Variants in SLC9B1 observed in about 807,000 individuals in gnomAD.
SLC9B1 encodes sodium/hydrogen exchanger 9B1.
A neutral mutation model predicts 51.7 loss-of-function variants in SLC9B1; 32 were observed. That is an observed-to-expected ratio of 0.62 (90% CI 0.47 to 0.83). The LOEUF is 0.83. Among genes scored for constraint, SLC9B1 ranks in the 40% least tolerant of loss-of-function variants. The probability of loss-of-function intolerance (pLI) is 0.00; values close to 1 mark genes in which losing one functional copy is unlikely to be tolerated. For synonymous variants in SLC9B1, 145 were observed against 212.7 expected, an observed-to-expected ratio of 0.68 and a Z score of 2.77; for missense variants, 406 against 613.2, an observed-to-expected ratio of 0.66 and a Z score of 3.57.
At chr4:102,980,986 G>C (rs1455392512) in intron 3 of SLC9B1, among the ~76,000 whole-genome samples, 1 of 152,002 alleles carries the variant, frequency 6.6e-6, no homozygotes, top group Admixed American at 6.6e-5. Flanking sequence ...AAAATCCTCT[G>C]GGCTCTGCCT....
intron 3 of SLC9B1, among the ~76,000 whole-genome samples, chr4:102,974,781 G>T (rs1395944021): frequency 2.6e-5 from 4 of 152,076 alleles, no homozygotes; most frequent in Non-Finnish European, 5.9e-5. Flanking sequence ...TGGAAAAAGA[G>T]GGAACACCTT....
At chr4:102,965,931 C>T (rs566539372) in intron 3 of SLC9B1, among the ~76,000 whole-genome samples, 3 of 152,328 alleles carry the variant, frequency 2.0e-5, no homozygotes, top group Admixed American at 1.3e-4. Context: ...GCAGGGCAGA[C>T]ACTAAATCTT....
chr4:102,935,799 C>T (rs1007754619), intron 6 of SLC9B1, among the ~76,000 whole-genome samples: 5 of 152,140 alleles, frequency 3.3e-5, no homozygotes, highest in African/African-American at 4.8e-5. Flanking sequence ...ATAAAACTCA[C>T]GAAGATGCTG....
chr4:103,014,391 T>A (rs1458072112), intron 1 of SLC9B1, among the ~76,000 whole-genome samples: 3 of 152,244 alleles, frequency 2.0e-5, no homozygotes, highest in African/African-American at 7.2e-5. Context: ...ACTATTTTAA[T>A]CCTTGTTTAA....
At chr4:102,898,085 G>C (rs1373415218), downstream of SLC9B1, 1 of 485,920 alleles carries the variant, frequency 2.1e-6, no homozygotes, top group African/African-American at 2.0e-5. Flanking sequence ...TTGGCATGTT[G>C]TTGGAGATTG....
rs554988398 is a variant in SLC9B1, at chr4:102,991,779, T to C, written c.-1-67A>G. 1.8e-4 allele frequency: 196 copies of C among 1,096,790 alleles called. 1 individual carries two copies. The South Asian group carries it at 2.9e-3, about 16-fold the overall frequency. The allele number at this position is 1,096,790 out of a possible 1,614,324, so 67.9% of individuals were successfully genotyped here. ...CTATAAATCCATATGAAAACAAACATGGTTAAGTGGGATTAATTTTTTAAA... is the reference window on the plus strand; with the variant it reads ...CTATAAATCCATATGAAAACAAACACGGTTAAGTGGGATTAATTTTTTAAA... On this transcript the variant is annotated intron_variant, in intron 1 of 11. Coordinates refer to ENST00000296422, the MANE Select transcript of SLC9B1 (RefSeq NM_139173.4).
chr4:102,898,267 A>G (rs1182967110), downstream of SLC9B1: 2 of 486,444 alleles, frequency 4.1e-6, no homozygotes, highest in African/African-American at 4.0e-5. Context: ...ACAGAAAGAA[A>G]CTTGCGCATC....
intron 7 of SLC9B1, among the ~76,000 whole-genome samples, chr4:102,917,493 C>CTATA (rs1735641726): frequency 9.1e-5 from 6 of 66,118 alleles, no homozygotes; most frequent in Non-Finnish European, 1.3e-4. Context: ...ATATCTATAT[C>CTATA]TCCTATTGGT....
intron 3 of SLC9B1, among the ~76,000 whole-genome samples, chr4:102,980,747 G>A (rs375360661): frequency 2.6e-3 from 398 of 151,850 alleles, no homozygotes; most frequent in African/African-American, 9.1e-3. Context: ...AATAAAAGTT[G>A]ATGAAAAAAA....
chr4:102,913,000 A>T (rs1236363091), intron 7 of SLC9B1, among the ~76,000 whole-genome samples: 2 of 152,250 alleles, frequency 1.3e-5, no homozygotes, highest in African/African-American at 4.8e-5. Context: ...ATGGAGTTCC[A>T]TAAACCATTA....
intron 6 of SLC9B1, among the ~76,000 whole-genome samples, chr4:102,944,146 C>A (rs1412867651): frequency 6.6e-6 from 1 of 152,130 alleles, no homozygotes; most frequent in Admixed American, 6.6e-5. Context: ...CCAAATATCC[C>A]ATATTCTTAC....
At chr4:102,970,277 A>C (rs1320859564) in intron 3 of SLC9B1, among the ~76,000 whole-genome samples, 1 of 152,240 alleles carries the variant, frequency 6.6e-6, no homozygotes, top group African/African-American at 2.4e-5. Flanking sequence ...ACATCAGACT[A>C]ACAGAAGATC....
chr4:102,960,421 C>T (rs1208791016), intron 3 of SLC9B1, among the ~76,000 whole-genome samples: 1 of 151,856 alleles, frequency 6.6e-6, no homozygotes, highest in African/African-American at 2.4e-5. Flanking sequence ...ATATAAATAA[C>T]ATAGTATTGC....
At chr4:102,940,919 A>G (rs375573889) in intron 6 of SLC9B1, among the ~76,000 whole-genome samples, 1 of 152,198 alleles carries the variant, frequency 6.6e-6, no homozygotes, top group Non-Finnish European at 1.5e-5. Flanking sequence ...CTGGCTAGCC[A>G]TATGCAGAAA....
intron 3 of SLC9B1, among the ~76,000 whole-genome samples, chr4:102,982,430 T>C (rs950677042): frequency 1.3e-5 from 2 of 152,162 alleles, no homozygotes; most frequent in African/African-American, 4.8e-5. Context: ...AATTTGTTCA[T>C]ATCCACAAAA....
At chr4:102,905,077 C>T (rs986747119) in intron 11 of SLC9B1, among the ~76,000 whole-genome samples, 9 of 151,792 alleles carry the variant, frequency 5.9e-5, no homozygotes, top group Non-Finnish European at 1.0e-4. Flanking sequence ...TTGTTTGCGC[C>T]CAGGAGGTTG....
chr4:103,007,591 C>CTTTTTTTT (rs58447131), intron 1 of SLC9B1, among the ~76,000 whole-genome samples: 10 of 107,748 alleles, frequency 9.3e-5, no homozygotes, highest in African/African-American at 2.7e-4. Flanking sequence ...CTCTTGTCAT[C>CTTTTTTTT]TTTTTTTTTT....
rs1738199841 is a variant in SLC9B1 at position 102,962,659 on chromosome 4, C to T, written c.212-13232G>A. On this transcript the variant is annotated intron_variant, in intron 3 of 11. Transcript: ENST00000296422. ...ATGTAATTGGGAGCTGCATCAATCA[C>T]ATCCTGATTGTAGGTGATACTGTGT... The T allele has an allele frequency of 3.2e-5, 15 of 468,436 alleles. 1 individual carries two copies. The highest frequency in any genetic ancestry group is 2.4e-4 in the South Asian group (15 of 63,296). 29.0% of individuals were successfully genotyped at this position (468,436 alleles called of 1,614,324 possible). A position where few individuals can be genotyped will look rare whatever the true frequency, so the allele number is the denominator to read the frequency against.
chr4:102,947,181 C>A (rs966374569), intron 4 of SLC9B1, among the ~76,000 whole-genome samples: 13 of 152,072 alleles, frequency 8.5e-5, no homozygotes, highest in African/African-American at 3.1e-4. Context: ...AAACTGGAGA[C>A]AGAGACCAAA....
Sources: gnomAD v4.1 joint callset for allele counts (sites outside exome capture counted in the v4.1 genomes callset) on GRCh38, gnomAD v4.1.1 for gene constraint, MANE v1.5 for transcripts, NCBI Gene and HGNC (gene_info 2026-07-23, HGNC 2026-07-21) for gene names.